The following PECAM1 variants were observed in gnomAD, a reference collection of about 807,000 sequenced individuals.
PECAM1 encodes the protein platelet and endothelial cell adhesion molecule 1.
Under a neutral mutation model 13.8 loss-of-function variants are expected in PECAM1, and 8 were observed. The observed-to-expected ratio is 0.58, with a 90% CI of 0.34 to 1.05. The LOEUF (loss-of-function observed/expected upper bound fraction) is 1.05. Among genes scored for constraint, PECAM1 ranks in the 50% least tolerant of loss-of-function variants. The pLI is 0.03. For synonymous variants in PECAM1, 136 were observed against 52.6 expected (o/e 2.58, Z -6.86); for missense variants, 304 against 141.2 (o/e 2.15, Z -5.84).
intron 4 of PECAM1, among the ~76,000 whole-genome samples, chr17:64,371,608 G>A (rs2036239009): frequency 1.3e-5 from 2 of 152,148 alleles, no homozygotes; most frequent in South Asian, 2.1e-4. Context: ...AAGGTGGGTG[G>A]ATCACGAGGT....
intron 14 of PECAM1, among the ~76,000 whole-genome samples, chr17:64,339,423 A>G (rs2035369980): frequency 6.6e-6 from 1 of 152,166 alleles, no homozygotes; most frequent in Admixed American, 6.5e-5. Context: ...AGCACATACA[A>G]TAAGTGCTCA....
chr17:64,385,684 C>T (rs2036577116), intron 2 of PECAM1, among the ~76,000 whole-genome samples: 1 of 152,002 alleles, frequency 6.6e-6, no homozygotes, highest in African/African-American at 2.4e-5. Flanking sequence ...TAGCTGGACT[C>T]CAGTGATATC....
At chr17:64,366,971 T>C (rs1424609901) in intron 5 of PECAM1, among the ~76,000 whole-genome samples, 11 of 95,630 alleles carry the variant, frequency 1.2e-4, no homozygotes, top group Admixed American at 7.3e-4. Flanking sequence ...ACTTAAAGTA[T>C]AATAATAATA....
At chr17:64,324,293 G>C (rs1467205226) in intron 15 of PECAM1, among the ~76,000 whole-genome samples, 1 of 152,026 alleles carries the variant, frequency 6.6e-6, no homozygotes, top group East Asian at 1.9e-4. Flanking sequence ...ATTTTTTTTA[G>C]ATGGATTCTC....
chr17:64,353,085 A>G (rs1462089909), intron 10 of PECAM1, among the ~76,000 whole-genome samples: 1 of 152,024 alleles, frequency 6.6e-6, no homozygotes, highest in Non-Finnish European at 1.5e-5. Context: ...CAGAGCAATC[A>G]TTTCTATACT....
At chr17:64,368,931 CTTT>C (rs1176037024) in intron 5 of PECAM1, among the ~76,000 whole-genome samples, 1 of 75,090 alleles carries the variant, frequency 1.3e-5, no homozygotes, top group African/African-American at 6.2e-5. Flanking sequence ...ATTGTCATTT[CTTT>C]TTTTTTTTTT....
At chr17:64,360,447 A>C (rs1290184152) in intron 6 of PECAM1, 32 bp from the exon 7 acceptor site, 1 of 473,364 alleles carries the variant, frequency 2.1e-6, no homozygotes, top group African/African-American at 2.0e-5. Flanking sequence ...TCCAAAAGGC[A>C]CTGAAGGTAA....
chr17:64,347,455 C>T (rs1207253056), intron 13 of PECAM1, among the ~76,000 whole-genome samples: 3 of 149,520 alleles, frequency 2.0e-5, no homozygotes, highest in African/African-American at 4.9e-5. Flanking sequence ...CGCTTTAACC[C>T]GGAGGCAGAG....
intron 14 of PECAM1, among the ~76,000 whole-genome samples, chr17:64,339,920 G>C (rs890658573): frequency 1.2e-4 from 18 of 152,228 alleles, no homozygotes; most frequent in African/African-American, 2.6e-4. Flanking sequence ...GAGGCCGAAG[G>C]GGGTGGATTG....
chr17:64,342,338 C>A (rs2035455292), intron 13 of PECAM1, among the ~76,000 whole-genome samples: 1 of 152,126 alleles, frequency 6.6e-6, no homozygotes, highest in African/African-American at 2.4e-5. Flanking sequence ...CCCCACTCCT[C>A]TTCCCCTGCC....
chr17:64,336,278 A>AAG (rs1286745590), intron 14 of PECAM1, among the ~76,000 whole-genome samples: 1 of 149,158 alleles, frequency 6.7e-6, no homozygotes, highest in African/African-American at 2.5e-5. Flanking sequence ...AAAAAAAAAA[A>AAG]AAAGAAAGAA....
At position 64,323,003 on chromosome 17, in the gene PECAM1, G is replaced by T. The variant is rs775405685; in HGVS notation, c.*813C>A. 75 of 978,536 alleles carry T rather than the reference G, an allele frequency of 7.7e-5. 1 individual carries two copies. The African/African-American group carries it at 1.2e-3, about 16-fold the overall frequency. The allele number at this position is 978,536 out of a possible 1,614,324, so 60.6% of individuals were successfully genotyped here. A position where few individuals can be genotyped will look rare whatever the true frequency, so the allele number is the denominator to read the frequency against. On this transcript the variant is annotated 3_prime_UTR_variant, in exon 16 of 16. Transcript: ENST00000563924. ...ATTACAGGCGTGAGCCACCTTGCCTGCCCTGGCAAGGAATACATTTTTAAA... is the reference window on the plus strand; with the variant it reads ...ATTACAGGCGTGAGCCACCTTGCCTTCCCTGGCAAGGAATACATTTTTAAA...
chr17:64,363,300 G>C lies in PECAM1; in HGVS notation c.1065C>G (p.Ala355=), dbSNP rs2036028266. The C allele has an allele frequency of 4.2e-6, 2 of 475,266 alleles. No individual in the cohort carries two copies. Among genetic ancestry groups the C allele is most frequent in the Non-Finnish European group, 7.7e-6 (2 of 259,074 alleles). The allele number at this position is 475,266 out of a possible 1,614,324, so 29.4% of individuals were successfully genotyped here. A position where few individuals can be genotyped will look rare whatever the true frequency, so the allele number is the denominator to read the frequency against. The part of the protein sequence containing the change: ...LSCSIPGAPP[A]NFTIQKEDTI... ...TATCTTCCTTCTGGATGGTGAAGTTGGCTGGAGGTGCTCCTGGGATGGAGC... is the reference window on the plus strand; with the variant it reads ...TATCTTCCTTCTGGATGGTGAAGTTCGCTGGAGGTGCTCCTGGGATGGAGC... The change falls in exon 6 of 16, where the codon GCC becomes GCG. Residue 355 remains alanine (A), a synonymous_variant. Transcript: ENST00000563924.
intron 3 of PECAM1, among the ~76,000 whole-genome samples, chr17:64,376,775 G>T (rs1174153378): frequency 1.3e-5 from 2 of 152,164 alleles, no homozygotes; most frequent in Non-Finnish European, 2.9e-5. Context: ...AGGAGTTCGA[G>T]ACCAGGCTGG....
In PECAM1 at chr17:64,390,705, C is replaced by T. The variant is rs1238778070; in HGVS notation, c.-40G>A. On this transcript the variant is annotated 5_prime_UTR_variant, in exon 1 of 16. Transcript: ENST00000563924. ...CTGCAGGCACAGTTAGTTCTGCCTT[C>T]GGGCCATGACTCGCTCAGCAGAAGG... 27 of 435,630 alleles carry T rather than the reference C, an allele frequency of 6.2e-5. No homozygotes were observed. The highest frequency in any genetic ancestry group is 1.2e-4 in the Admixed American group (3 of 25,254). The allele number at this position is 435,630 out of a possible 1,614,324, so 27.0% of individuals were successfully genotyped here.
At chr17:64,367,894 C>T (rs1215018710) in intron 5 of PECAM1, among the ~76,000 whole-genome samples, 12 of 152,274 alleles carry the variant, frequency 7.9e-5, no homozygotes, top group African/African-American at 2.6e-4. Flanking sequence ...CAATACTTAA[C>T]TAAATTGCTA....
chr17:64,321,364 A>G lies in PECAM1; in HGVS notation c.*2452T>C. The G allele has an allele frequency of 6.5e-6, 6 of 923,128 alleles. No individual in the cohort carries two copies. The highest frequency in any genetic ancestry group is 7.8e-6 in the Non-Finnish European group (6 of 772,856). The allele number at this position is 923,128 out of a possible 1,614,324, so 57.2% of individuals were successfully genotyped here. On this transcript the variant is annotated 3_prime_UTR_variant, in exon 16 of 16. Coordinates refer to ENST00000563924, the MANE Select transcript of PECAM1 (RefSeq NM_000442.5). ...AGGCTAAAGCCAGCGTCCTGGATTC[A>G]GACAGACCTTTTAGCCATTAAATCC...
intron 4 of PECAM1, chr17:64,370,395 T>A (rs2036214038): frequency 6.0e-6 from 1 of 165,312 alleles, no homozygotes; most frequent in Non-Finnish European, 1.3e-5. Flanking sequence ...AAGCTTGGCA[T>A]TTCAGCATGA....
chr17:64,354,014 A>C (rs2143786863), intron 9 of PECAM1, among the ~76,000 whole-genome samples: 1 of 147,912 alleles, frequency 6.8e-6, no homozygotes, highest in African/African-American at 2.5e-5. Context: ...ATCTGGGCTC[A>C]CTGTAACCTC....
Sources: allele counts gnomAD v4.1 joint callset (sites outside exome capture counted in the v4.1 genomes callset), GRCh38; gene constraint gnomAD v4.1.1; transcripts MANE v1.5; gene names NCBI Gene and HGNC (gene_info 2026-07-23, HGNC 2026-07-21).